KLF7: variants seen among roughly 807,000 people sequenced by gnomAD.
KLF7 encodes KLF transcription factor 7.
KLF7 carries 2 observed loss-of-function variants against 27.3 expected under a neutral mutation model. That is an observed-to-expected ratio of 0.07 (90% CI 0.03 to 0.23). KLF7 has a LOEUF of 0.23. Among genes scored for constraint, KLF7 ranks in the 10% least tolerant of loss-of-function variants. The pLI is 1.00. For missense variants in KLF7, 221 were observed against 394.1 expected (o/e 0.56, Z 3.72); for synonymous variants, 165 against 162.4 (o/e 1.02, Z -0.12).
intron 2 of KLF7, among the ~76,000 whole-genome samples, chr2:207,118,369 C>T (rs2077245834): frequency 6.6e-6 from 1 of 152,190 alleles, no homozygotes; most frequent in Non-Finnish European, 1.5e-5. Flanking sequence ...TTTCCTTGTA[C>T]TGCTTCTCAG....
In KLF7 at chr2:207,080,727, T is replaced by C; in HGVS notation, c.*486A>G. On this transcript the variant is annotated 3_prime_UTR_variant, in exon 4 of 4. Coordinates refer to ENST00000309446, the MANE Select transcript of KLF7 (RefSeq NM_003709.4). ...TTTCTAGGTCATTTTCCCCCAACTA[T>C]TTAAAAAGAAACATTAGTGCTACAC... The C allele has an allele frequency of 2.5e-6, 1 of 398,154 alleles. No individual in the cohort carries two copies. The highest frequency in any genetic ancestry group is 4.4e-6 in the Non-Finnish European group (1 of 225,902). The allele number at this position is 398,154 out of a possible 1,614,324, so 24.7% of individuals were successfully genotyped here.
chr2:207,160,335 G>C (rs1346849130), intron 1 of KLF7, among the ~76,000 whole-genome samples: 1 of 152,200 alleles, frequency 6.6e-6, no homozygotes, highest in Non-Finnish European at 1.5e-5. Flanking sequence ...CACCATTCAA[G>C]TTAAGTTGGG....
At chr2:207,149,237 A>G in intron 1 of KLF7, 1 of 1,012,922 alleles carries the variant, frequency 9.9e-7, no homozygotes, top group Non-Finnish European at 1.4e-6. Flanking sequence ...TAAAAGCAAC[A>G]CCCCCACTCA....
intron 1 of KLF7, among the ~76,000 whole-genome samples, chr2:207,144,005 G>A (rs1444168673): frequency 1.3e-5 from 2 of 152,088 alleles, no homozygotes; most frequent in Non-Finnish European, 2.9e-5. Flanking sequence ...TGGAGAGAGA[G>A]AGGCCAGGGG....
At chr2:207,111,267 C>T (rs1013987409) in intron 2 of KLF7, among the ~76,000 whole-genome samples, 2 of 152,170 alleles carry the variant, frequency 1.3e-5, no homozygotes, top group African/African-American at 2.4e-5. Flanking sequence ...TCTCCCATTC[C>T]TGCTATGCCC....
chr2:207,134,157 T>G (rs2077718007), intron 1 of KLF7: 3 of 1,399,688 alleles, frequency 2.1e-6, no homozygotes, highest in Non-Finnish European at 2.8e-6. Flanking sequence ...TACTGGGATT[T>G]TTTTTTTTTT....
At chr2:207,094,148 G>A (rs1660217679) in intron 2 of KLF7, among the ~76,000 whole-genome samples, 1 of 152,226 alleles carries the variant, frequency 6.6e-6, no homozygotes, top group South Asian at 2.1e-4. Flanking sequence ...TTGCCTTTAA[G>A]ATAGAGAGTG....
chr2:207,099,551 G>GATATATATATATATAGAT (rs1553521658), intron 2 of KLF7, among the ~76,000 whole-genome samples: 1 of 57,568 alleles, frequency 1.7e-5, no homozygotes, highest in African/African-American at 9.1e-5. Flanking sequence ...CTACATATGC[G>GATATATATATATATAGAT]ATATATATAT....
chr2:207,148,547 T>G (rs138341799), intron 1 of KLF7, among the ~76,000 whole-genome samples: 2 of 152,332 alleles, frequency 1.3e-5, no homozygotes, highest in African/African-American at 4.8e-5. Context: ...AGTGATCAGA[T>G]CCAGCCCACA....
chr2:207,166,192 T>C (rs2078702771), upstream of KLF7: 10 of 985,328 alleles, frequency 1.0e-5, no homozygotes, highest in African/African-American at 1.8e-5. Context: ...CGTGTGACCA[T>C]GTAAGGTAAA....
Position 207,081,077 on chromosome 2 carries a change from G to GT in KLF7, c.*135dup. On this transcript the variant is annotated 3_prime_UTR_variant, in exon 4 of 4. Coordinates refer to ENST00000309446, the MANE Select transcript of KLF7 (RefSeq NM_003709.4). ...TGTGTGTATATGTGTGTGTGTGTGT[G>GT]TGTGTGTACAGAGGTTTATAAGTGA... is the stretch of plus-strand genomic sequence containing the variant. The GT allele has an allele frequency of 1.4e-6, 1 of 733,260 alleles. No homozygotes were observed. Among genetic ancestry groups the GT allele is most frequent in the Admixed American group, 1.9e-5 (1 of 53,270 alleles). 45.4% of individuals were successfully genotyped at this position (733,260 alleles called of 1,614,324 possible). A position where few individuals can be genotyped will look rare whatever the true frequency, so the allele number is the denominator to read the frequency against.
intron 3 of KLF7, among the ~76,000 whole-genome samples, chr2:207,086,687 C>A (rs1398729126): frequency 6.6e-6 from 1 of 152,240 alleles, no homozygotes; most frequent in Non-Finnish European, 1.5e-5. Context: ...ACATCAACTG[C>A]TGGAAGGTTG....
chr2:207,128,023 G>C (rs2077528039), intron 1 of KLF7, among the ~76,000 whole-genome samples: 1 of 152,072 alleles, frequency 6.6e-6, no homozygotes, highest in Admixed American at 6.5e-5. Flanking sequence ...ATAACCCCAG[G>C]AGCAATGAGC....
chr2:207,088,069 A>G (rs1464162253), intron 3 of KLF7, among the ~76,000 whole-genome samples: 9 of 152,132 alleles, frequency 5.9e-5, no homozygotes, highest in African/African-American at 1.2e-4. Flanking sequence ...ACTCTTTCTT[A>G]TTACTATAGA....
At chr2:207,166,909 C>T (rs1390266602), upstream of KLF7, 1 of 1,044,858 alleles carries the variant, frequency 9.6e-7, no homozygotes, top group Non-Finnish European at 1.2e-6. Context: ...CCGCCCCCCG[C>T]TTGCGCACAG....
rs1391651821 is a variant in KLF7 at position 207,078,657 on chromosome 2, A to C, written c.*2556T>G. The stretch of plus-strand genomic sequence containing the variant: ...GTGCATTCATGCTGGAGGCTGCTAC[A>C]TAAAGGAAAAGAAAGGAACCAACAG... On this transcript the variant is annotated 3_prime_UTR_variant, in exon 4 of 4. Coordinates refer to ENST00000309446, the MANE Select transcript of KLF7 (RefSeq NM_003709.4). 1 of 152,250 alleles carries C rather than the reference A, an allele frequency of 6.6e-6. No individual in the cohort carries two copies. Among genetic ancestry groups the C allele is most frequent in the African/African-American group, 2.4e-5 (1 of 41,466 alleles). The allele number at this position is 152,250 out of a possible 1,614,324, so 9.4% of individuals were successfully genotyped here. A position where few individuals can be genotyped will look rare whatever the true frequency, so the allele number is the denominator to read the frequency against.
upstream of KLF7, chr2:207,166,349 G>C: frequency 4.2e-6 from 1 of 236,086 alleles, no homozygotes; most frequent in Non-Finnish European, 6.9e-6. Context: ...TATTTTTAGA[G>C]GGCTATATAA....
chr2:207,131,493 C>A (rs1328159657), intron 1 of KLF7, among the ~76,000 whole-genome samples: 3 of 152,206 alleles, frequency 2.0e-5, no homozygotes, highest in Admixed American at 2.0e-4. Context: ...ACAAAACAAG[C>A]TACTGTTAGG....
intron 2 of KLF7, among the ~76,000 whole-genome samples, chr2:207,119,556 G>A (rs560431328): frequency 7.9e-5 from 12 of 152,110 alleles, no homozygotes; most frequent in South Asian, 6.2e-4. Flanking sequence ...GATCATAATG[G>A]TAGAATTTGT....
Sources: allele counts gnomAD v4.1 joint callset (sites outside exome capture counted in the v4.1 genomes callset), GRCh38; gene constraint gnomAD v4.1.1; transcripts MANE v1.5; gene names NCBI Gene and HGNC (gene_info 2026-07-23, HGNC 2026-07-21).